PHC3: variants seen among roughly 807,000 people sequenced by gnomAD.
PHC3 encodes the protein polyhomeotic-like protein 3.
Under a neutral mutation model 107.4 loss-of-function variants are expected in PHC3, and 13 were observed. The observed-to-expected ratio is 0.12, with a 90% CI of 0.08 to 0.19. The LOEUF (loss-of-function observed/expected upper bound fraction) is 0.19, where lower values mean the gene tolerates loss of function less well. Ranked by LOEUF, PHC3 falls within the 10% of genes least tolerant of loss-of-function variation. PHC3 has a pLI of 1.00. For synonymous variants in PHC3, 456 were observed against 427.4 expected (o/e 1.07, Z -0.83); for missense variants, 992 against 1,210.9 (o/e 0.82, Z 2.68).
chr3:170,115,234 T>C (rs377537731), intron 10 of PHC3, among the ~76,000 whole-genome samples: 1 of 152,124 alleles, frequency 6.6e-6, no homozygotes, highest in East Asian at 1.9e-4. Context: ...AAATTATGGA[T>C]GTTCATAAAG....
chr3:170,128,662 C>G (rs1721744255), intron 8 of PHC3, 22 bp downstream of exon 8: 1 of 1,595,102 alleles, frequency 6.3e-7, no homozygotes, highest in Admixed American at 1.8e-5. Context: ...GCAAGAAAGT[C>G]AAAGAGCTTC....
At position 170,090,496 on chromosome 3, in the gene PHC3, A is replaced by G. The variant is rs1354055260; in HGVS notation, c.*6734T>C. ...TATATTCAGTGGTTAACCAATAAGG[A>G]GCATTTAGGAAAATGTCATCATTTG... On this transcript the variant is annotated 3_prime_UTR_variant, in exon 15 of 15. Transcript: ENST00000495893. 1 of 152,206 alleles carries G rather than the reference A, an allele frequency of 6.6e-6. No individual in the cohort carries two copies. The highest frequency in any genetic ancestry group is 1.9e-4 in the East Asian group (1 of 5,202). 9.4% of individuals were successfully genotyped at this position (152,206 alleles called of 1,614,324 possible).
chr3:170,164,898 C>T (rs1189439569), intron 4 of PHC3, among the ~76,000 whole-genome samples: 1 of 152,154 alleles, frequency 6.6e-6, no homozygotes, highest in South Asian at 2.1e-4. Flanking sequence ...AACTGTGGCC[C>T]CACCCATGTC....
intron 6 of PHC3, among the ~76,000 whole-genome samples, chr3:170,137,737 A>G (rs1221409661): frequency 1.3e-5 from 2 of 152,224 alleles, no homozygotes; most frequent in African/African-American, 4.8e-5. Flanking sequence ...CATCTCTACT[A>G]AAGATACAAA....
chr3:170,160,126 T>C (rs115720441), intron 4 of PHC3, among the ~76,000 whole-genome samples: 2,293 of 152,224 alleles, frequency 0.015, 51 homozygotes, highest in African/African-American at 0.052. Context: ...AGGCACTCAA[T>C]AAAAAAGTAC....
chr3:170,121,161 AT>A (rs1720210655), intron 9 of PHC3, among the ~76,000 whole-genome samples: 1 of 152,182 alleles, frequency 6.6e-6, no homozygotes, highest in South Asian at 2.1e-4. Flanking sequence ...TGTAAAAGCC[AT>A]CATTAGCTTG....
chr3:170,141,025 T>C (rs1724012916), intron 6 of PHC3, among the ~76,000 whole-genome samples: 3 of 152,196 alleles, frequency 2.0e-5, no homozygotes, highest in Admixed American at 2.0e-4. Flanking sequence ...AAATTTCTCA[T>C]TTTTACACTA....
rs1384167227 is a variant in PHC3 at position 170,096,649 on chromosome 3, A to C, written c.*581T>G. The C allele has an allele frequency of 6.6e-6, 1 of 152,164 alleles. No homozygotes were observed. Among genetic ancestry groups the C allele is most frequent in the Non-Finnish European group, 1.5e-5 (1 of 68,020 alleles). The allele number at this position is 152,164 out of a possible 1,614,324, so 9.4% of individuals were successfully genotyped here. A position where few individuals can be genotyped will look rare whatever the true frequency, so the allele number is the denominator to read the frequency against. On this transcript the variant is annotated 3_prime_UTR_variant, in exon 15 of 15. Transcript: ENST00000495893. Reference sequence around the variant, plus strand: ...AATTCTTGGTCAAGTTTGGAATAGAAACTAACTCTTCTCACTTCCAGATCA... The same window carrying C: ...AATTCTTGGTCAAGTTTGGAATAGACACTAACTCTTCTCACTTCCAGATCA...
intron 5 of PHC3, 47 bp from the exon 6 acceptor site, chr3:170,145,568 G>T: frequency 7.3e-7 from 1 of 1,367,664 alleles, no homozygotes. Flanking sequence ...AAAAGAACAT[G>T]TCCCACACAC....
rs1210474303 is a variant in PHC3, at chr3:170,094,003, A to G, written c.*3227T>C. 6.6e-6 allele frequency: 1 copy of G among 152,220 alleles called. No individual in the cohort carries two copies. The highest frequency in any genetic ancestry group is 1.5e-5 in the Non-Finnish European group (1 of 68,054). The allele number at this position is 152,220 out of a possible 1,614,324, so 9.4% of individuals were successfully genotyped here. A position where few individuals can be genotyped will look rare whatever the true frequency, so the allele number is the denominator to read the frequency against. On this transcript the variant is annotated 3_prime_UTR_variant, in exon 15 of 15. Transcript: ENST00000495893. ...ATGGCCTCCTCCTCTGACTCTTCCC[A>G]TGCTCAAGCTTTTGCATTACCATTT...
At chr3:170,144,165 A>G (rs894015618) in intron 6 of PHC3, among the ~76,000 whole-genome samples, 1 of 151,156 alleles carries the variant, frequency 6.6e-6, no homozygotes, top group African/African-American at 2.4e-5. Context: ...ACTTAAAAAA[A>G]AAAAAAAAAA....
chr3:170,103,977 G>A (rs1351104080), intron 12 of PHC3, among the ~76,000 whole-genome samples: 1 of 152,200 alleles, frequency 6.6e-6, no homozygotes, highest in Non-Finnish European at 1.5e-5. Context: ...GGCTAAGGTG[G>A]GTGGATGGCT....
rs148039100 is a variant in PHC3 at position 170,115,877 on chromosome 3, T to TCACACACACACACACACACA, written c.2193+1329_2193+1348dup. Among the ~76,000 whole-genome samples, 80 of 148,566 alleles carry TCACACACACACACACACACA rather than the reference T, an allele frequency of 5.4e-4. 1 individual carries two copies. In the East Asian group the frequency reaches 8.9e-3, roughly 17 times the overall value. On this transcript the variant is annotated intron_variant, in intron 10 of 14. Coordinates refer to ENST00000495893, the MANE Select transcript of PHC3 (RefSeq NM_024947.4). Reference sequence around the variant, plus strand: ...AATTGTTATAGGAAATCCAAGTTTCTCACACACACACACACACACACACAC... The same window carrying TCACACACACACACACACACA: ...AATTGTTATAGGAAATCCAAGTTTCTCACACACACACACACACACACACACACACACACACACACACACAC...
chr3:170,132,994 C>G (rs1722495963), intron 7 of PHC3, among the ~76,000 whole-genome samples: 1 of 151,854 alleles, frequency 6.6e-6, no homozygotes, highest in African/African-American at 2.4e-5. Flanking sequence ...TAAAGAAAAC[C>G]AAGTTACTTT....
intron 6 of PHC3, among the ~76,000 whole-genome samples, chr3:170,144,953 T>C (rs1256560785): frequency 2.0e-5 from 3 of 152,294 alleles, no homozygotes; most frequent in Admixed American, 2.0e-4. Flanking sequence ...ACAATCCTCC[T>C]ACCTGGGCCT....
intron 14 of PHC3, among the ~76,000 whole-genome samples, chr3:170,098,988 T>C (rs1432794266): frequency 6.6e-6 from 1 of 152,144 alleles, no homozygotes; most frequent in African/African-American, 2.4e-5. Context: ...TGTGACTTCA[T>C]CCTTCTTTTT....
intron 4 of PHC3, among the ~76,000 whole-genome samples, chr3:170,163,587 G>A (rs1728256705): frequency 6.6e-6 from 1 of 151,828 alleles, no homozygotes; most frequent in Admixed American, 6.6e-5. Flanking sequence ...AGTCCGCCGG[G>A]CACGGTGGCT....
At chr3:170,126,716 A>G (rs1016660039) in intron 8 of PHC3, among the ~76,000 whole-genome samples, 1 of 150,722 alleles carries the variant, frequency 6.6e-6, no homozygotes, top group African/African-American at 2.4e-5. Flanking sequence ...TAATTTTTGT[A>G]TTTTTAGTAG....
intron 1 of PHC3, among the ~76,000 whole-genome samples, chr3:170,181,234 TGAG>T (rs1203051004): frequency 2.0e-5 from 3 of 152,120 alleles, no homozygotes; most frequent in African/African-American, 7.2e-5. Flanking sequence ...ATTCTCCCGC[TGAG>T]GAGGAGTGGG....
Sources: allele counts gnomAD v4.1 joint callset (sites outside exome capture counted in the v4.1 genomes callset), GRCh38; gene constraint gnomAD v4.1.1; transcripts MANE v1.5; gene names NCBI Gene and HGNC (gene_info 2026-07-23, HGNC 2026-07-21).